Variants in CFAP299 observed in about 807,000 individuals in gnomAD.
CFAP299 encodes the protein cilia and flagella associated protein 299.
A neutral mutation model predicts 27.0 loss-of-function variants in CFAP299; 21 were observed. The ratio of observed to expected loss-of-function variants is 0.78; its 90% CI spans 0.55 to 1.12. CFAP299 has a LOEUF of 1.12. Ranked by LOEUF, CFAP299 falls within the 50% of genes most tolerant of loss-of-function variation. The pLI is 0.00. For synonymous variants in CFAP299, 104 were observed against 98.1 expected (o/e 1.06, Z -0.36); for missense variants, 310 against 276.6 (o/e 1.12, Z -0.86).
intron 4 of CFAP299, among the ~76,000 whole-genome samples, chr4:80,876,207 A>C (rs972449688): frequency 1.3e-5 from 2 of 151,300 alleles, no homozygotes; most frequent in Non-Finnish European, 2.9e-5. Context: ...ACAACCTTAT[A>C]GGTTAGGGAC....
At chr4:80,643,994 T>A (rs2109961976) in intron 3 of CFAP299, among the ~76,000 whole-genome samples, 1 of 152,356 alleles carries the variant, frequency 6.6e-6, no homozygotes, top group South Asian at 2.1e-4. Flanking sequence ...CAAGTTTCAA[T>A]ACCTCTAATG....
intron 3 of CFAP299, among the ~76,000 whole-genome samples, chr4:80,782,863 ATCCCAGT>A (rs1727010438): frequency 6.6e-6 from 1 of 151,414 alleles, no homozygotes; most frequent in African/African-American, 2.4e-5. Context: ...GTGTATCCAT[ATCCCAGT>A]TCCTAAAATC....
intron 4 of CFAP299, among the ~76,000 whole-genome samples, chr4:80,887,375 C>T (rs1734023149): frequency 6.6e-6 from 1 of 152,082 alleles, no homozygotes; most frequent in African/African-American, 2.4e-5. Context: ...TGTAATACCT[C>T]TGGAAGCAGA....
chr4:80,543,594 G>A (rs893836891), intron 2 of CFAP299, among the ~76,000 whole-genome samples: 1 of 152,124 alleles, frequency 6.6e-6, no homozygotes, highest in Non-Finnish European at 1.5e-5. Context: ...CCAAACCGAC[G>A]AAAGAATCTC....
intron 2 of CFAP299, among the ~76,000 whole-genome samples, chr4:80,538,848 T>C (rs1733870170): frequency 2.0e-5 from 3 of 152,198 alleles, no homozygotes; most frequent in African/African-American, 7.2e-5. Context: ...CTGTATTTCA[T>C]TAACCAAAAT....
chr4:80,707,062 C>A (rs1370061202), intron 3 of CFAP299, among the ~76,000 whole-genome samples: 3 of 151,914 alleles, frequency 2.0e-5, no homozygotes, highest in South Asian at 2.1e-4. Flanking sequence ...AAGCAAAGTG[C>A]TTTTTCTGAA....
the CFAP299 span, among the ~76,000 whole-genome samples, chr4:80,330,440 C>T: frequency 6.6e-6 from 1 of 152,124 alleles, no homozygotes; most frequent in African/African-American, 2.4e-5. Context: ...TGCCCTCTTG[C>T]ATATGTCCTG....
the CFAP299 span, among the ~76,000 whole-genome samples, chr4:80,324,412 T>C: frequency 6.6e-6 from 1 of 152,216 alleles, no homozygotes; most frequent in Non-Finnish European, 1.5e-5. Context: ...AGTCCACTAA[T>C]TGGCTCGTAA....
At chr4:80,442,187 C>A (rs761316884) in intron 2 of CFAP299, among the ~76,000 whole-genome samples, 20 of 152,186 alleles carry the variant, frequency 1.3e-4, no homozygotes, top group Non-Finnish European at 2.4e-4. Context: ...AGGACTTGAA[C>A]TGAGCTCTGG....
chr4:80,449,797 G>A (rs923303026), intron 2 of CFAP299, among the ~76,000 whole-genome samples: 7 of 151,566 alleles, frequency 4.6e-5, no homozygotes. Context: ...AAGCCAGAAA[G>A]GTCCATAATC....
chr4:80,682,330 G>T (rs1029757552), intron 3 of CFAP299, among the ~76,000 whole-genome samples: 2 of 151,860 alleles, frequency 1.3e-5, no homozygotes, highest in South Asian at 2.1e-4. Context: ...GATCTGTTTT[G>T]TTTACTTTTT....
intron 2 of CFAP299, among the ~76,000 whole-genome samples, chr4:80,380,992 G>C (rs889123781): frequency 4.0e-5 from 6 of 151,578 alleles, no homozygotes. Flanking sequence ...CACTAATTTG[G>C]ATCTCTCCCA....
chr4:80,602,547 T>C (rs1737411094), intron 3 of CFAP299, among the ~76,000 whole-genome samples: 1 of 152,182 alleles, frequency 6.6e-6, no homozygotes, highest in Admixed American at 6.5e-5. Flanking sequence ...CTCTGCCTTA[T>C]ACCAGAGAAG....
At position 80,963,668 on chromosome 4, in the gene CFAP299, A is replaced by T. The variant is rs536537913; in HGVS notation, c.*56A>T. On this transcript the variant is annotated 3_prime_UTR_variant, in exon 6 of 6. Coordinates refer to ENST00000358105, the MANE Select transcript of CFAP299 (RefSeq NM_152770.3). ...CTAAATTTAAATAAATTCCGTAGAC[A>T]GAGCAAATTAGAATAATAAATGAGC... is the stretch of plus-strand genomic sequence containing the variant. The T allele has an allele frequency of 5.3e-6, 6 of 1,140,156 alleles. No individual in the cohort carries two copies. Among genetic ancestry groups the T allele is most frequent in the Non-Finnish European group, 6.5e-6 (5 of 771,972 alleles). 70.6% of individuals were successfully genotyped at this position (1,140,156 alleles called of 1,614,324 possible). A position where few individuals can be genotyped will look rare whatever the true frequency, so the allele number is the denominator to read the frequency against.
chr4:80,619,941 A>G (rs974775621), intron 3 of CFAP299, among the ~76,000 whole-genome samples: 2 of 152,062 alleles, frequency 1.3e-5, no homozygotes, highest in South Asian at 2.1e-4. Context: ...TCATTTTCCA[A>G]TTTCTATAGA....
intron 4 of CFAP299, among the ~76,000 whole-genome samples, chr4:80,888,746 A>G (rs1284770360): frequency 6.6e-6 from 1 of 152,058 alleles, no homozygotes; most frequent in Non-Finnish European, 1.5e-5. Flanking sequence ...TAAATTTTCA[A>G]AAAAATTGAA....
At chr4:80,928,254 C>G (rs778757664) in intron 4 of CFAP299, among the ~76,000 whole-genome samples, 11 of 152,106 alleles carry the variant, frequency 7.2e-5, no homozygotes, top group Non-Finnish European at 1.2e-4. Flanking sequence ...ACAGGCACAG[C>G]CACAGTGTCT....
chr4:80,483,001 T>C (rs1037445148), intron 2 of CFAP299, among the ~76,000 whole-genome samples: 2 of 152,188 alleles, frequency 1.3e-5, no homozygotes, highest in Non-Finnish European at 2.9e-5. Flanking sequence ...TTACCTTACA[T>C]AGCAAAACGG....
At chr4:80,550,796 C>T (rs146252943) in intron 2 of CFAP299, among the ~76,000 whole-genome samples, 1 of 151,864 alleles carries the variant, frequency 6.6e-6, no homozygotes, top group Admixed American at 6.6e-5. Context: ...CACACACACA[C>T]ACGCATACAC....
Sources: gnomAD v4.1 joint callset for allele counts (sites outside exome capture counted in the v4.1 genomes callset) on GRCh38, gnomAD v4.1.1 for gene constraint, MANE v1.5 for transcripts, NCBI Gene and HGNC (gene_info 2026-07-23, HGNC 2026-07-21) for gene names.